Variants in ABL2 observed in about 807,000 individuals in gnomAD.
ABL2 encodes the protein ABL proto-oncogene 2, non-receptor tyrosine kinase.
In ABL2, 49 loss-of-function variants were observed where a neutral mutation model predicts 107.7. The ratio of observed to expected loss-of-function variants is 0.45; its 90% CI spans 0.36 to 0.58. The LOEUF (loss-of-function observed/expected upper bound fraction) is 0.58. ABL2 is among the 20% of genes least tolerant of loss of function. The probability of loss-of-function intolerance (pLI) is 0.00; values close to 1 mark genes in which losing one functional copy is unlikely to be tolerated. For missense variants in ABL2, 1,245 were observed against 1,457.0 expected (o/e 0.85, Z 2.37); for synonymous variants, 549 against 548.6 (o/e 1.00, Z -0.01).
intron 1 of ABL2, among the ~76,000 whole-genome samples, chr1:179,204,032 T>TTATG (rs1306876161): frequency 6.6e-6 from 1 of 152,104 alleles, no homozygotes; most frequent in Non-Finnish European, 1.5e-5. Flanking sequence ...ATTTATTTAT[T>TTATG]TATTTATTTA....
intron 1 of ABL2, among the ~76,000 whole-genome samples, chr1:179,178,959 A>G (rs970379383): frequency 6.6e-6 from 1 of 152,200 alleles, no homozygotes; most frequent in Non-Finnish European, 1.5e-5. Context: ...AATAATGTTA[A>G]TACCCACTGA....
intron 1 of ABL2, among the ~76,000 whole-genome samples, chr1:179,156,390 T>C (rs1658692381): frequency 1.3e-5 from 2 of 152,184 alleles, no homozygotes; most frequent in African/African-American, 2.4e-5. Context: ...AAAACCATAC[T>C]TGAAATTACA....
At chr1:179,160,797 T>C (rs2102751326) in intron 1 of ABL2, among the ~76,000 whole-genome samples, 1 of 152,328 alleles carries the variant, frequency 6.6e-6, no homozygotes, top group South Asian at 2.1e-4. Flanking sequence ...TAATTCTGTG[T>C]GGCGAGGCAG....
At chr1:179,150,533 T>TTCA (rs1658296792) in intron 1 of ABL2, among the ~76,000 whole-genome samples, 1 of 152,212 alleles carries the variant, frequency 6.6e-6, no homozygotes, top group Non-Finnish European at 1.5e-5. Context: ...GTGACTGAAT[T>TTCA]GTTGCAATCT....
intron 1 of ABL2, among the ~76,000 whole-genome samples, chr1:179,207,271 G>T (rs991511761): frequency 6.6e-6 from 1 of 151,684 alleles, no homozygotes; most frequent in Non-Finnish European, 1.5e-5. Context: ...AGGGAGGAAA[G>T]AAAGATTGTG....
intron 1 of ABL2, among the ~76,000 whole-genome samples, chr1:179,154,186 C>A (rs966644088): frequency 6.6e-6 from 1 of 152,172 alleles, no homozygotes; most frequent in African/African-American, 2.4e-5. Context: ...AAACCAACTG[C>A]CCAAAAGTAT....
chr1:179,223,377 C>T (rs1662991729), intron 1 of ABL2, among the ~76,000 whole-genome samples: 1 of 149,286 alleles, frequency 6.7e-6, no homozygotes, highest in Non-Finnish European at 1.5e-5. Context: ...CATGCCACAG[C>T]ACTCCAGCCT....
At chr1:179,184,767 T>A (rs1660585959) in intron 1 of ABL2, among the ~76,000 whole-genome samples, 1 of 152,170 alleles carries the variant, frequency 6.6e-6, no homozygotes, top group South Asian at 2.1e-4. Context: ...GCAGTCTTTT[T>A]TTTCCCCCTC....
At chr1:179,160,512 T>G (rs941852789) in intron 1 of ABL2, among the ~76,000 whole-genome samples, 10 of 152,110 alleles carry the variant, frequency 6.6e-5, no homozygotes, top group African/African-American at 2.4e-4. Flanking sequence ...TTAGTACATA[T>G]CTACATTATC....
intron 1 of ABL2, among the ~76,000 whole-genome samples, chr1:179,160,986 G>A (rs772747932): frequency 3.9e-5 from 6 of 152,018 alleles, no homozygotes; most frequent in Admixed American, 2.6e-4. Context: ...CTCCCACCTC[G>A]GCCTCCCAAA....
intron 1 of ABL2, among the ~76,000 whole-genome samples, chr1:179,197,437 T>C (rs938002755): frequency 6.6e-6 from 1 of 151,954 alleles, no homozygotes; most frequent in African/African-American, 2.4e-5. Context: ...TGCTATGACT[T>C]TGAGGGCCCT....
chr1:179,156,659 G>T (rs370870389), intron 1 of ABL2, among the ~76,000 whole-genome samples: 17 of 152,132 alleles, frequency 1.1e-4, no homozygotes, highest in African/African-American at 3.9e-4. Flanking sequence ...TGGATCACTT[G>T]AGGCCAGGAG....
chr1:179,145,086 T>C (rs1657893519), intron 1 of ABL2, among the ~76,000 whole-genome samples: 1 of 152,176 alleles, frequency 6.6e-6, no homozygotes, highest in South Asian at 2.1e-4. Flanking sequence ...AAGAATGAAA[T>C]GTTGATATAT....
rs1652933219 is a variant in ABL2, at chr1:179,099,611, C to G, written c.*8107G>C. 1 of 230,754 alleles carries G rather than the reference C, an allele frequency of 4.3e-6. No individual in the cohort carries two copies. The highest frequency in any genetic ancestry group is 5.7e-5 in the Admixed American group (1 of 17,690). 14.3% of individuals were successfully genotyped at this position (230,754 alleles called of 1,614,324 possible). On this transcript the variant is annotated 3_prime_UTR_variant, in exon 12 of 12. Coordinates refer to ENST00000502732, the MANE Select transcript of ABL2 (RefSeq NM_007314.4). Reference sequence around the variant, plus strand: ...AATCCCACATTGTCTCACTATGTCCCCTTAGCAATGCACACAGTGCCCGAT... The same window carrying G: ...AATCCCACATTGTCTCACTATGTCCGCTTAGCAATGCACACAGTGCCCGAT...
In ABL2 at chr1:179,196,065, G is replaced by T. The variant is rs555966521; in HGVS notation, c.157+33176C>A. 2.0e-5 allele frequency among the ~76,000 whole-genome samples: 3 copies of T among 152,252 alleles called. No individual in the cohort carries two copies. The East Asian group carries it at 5.8e-4, about 29-fold the overall frequency. ...AGCACTTTGGCAGGCCGAGGTGGAC[G>T]GATCACTTGAGGCCAGGAGTTCCTC... On this transcript the variant is annotated intron_variant, in intron 1 of 11. Coordinates refer to ENST00000502732, the MANE Select transcript of ABL2 (RefSeq NM_007314.4).
chr1:179,171,722 C>T (rs1659734206), intron 1 of ABL2, among the ~76,000 whole-genome samples: 1 of 152,160 alleles, frequency 6.6e-6, no homozygotes, highest in Admixed American at 6.5e-5. Context: ...TGGGGTCTCA[C>T]TCTGTTGTCC....
At chr1:179,199,642 T>C (rs1661542477) in intron 1 of ABL2, among the ~76,000 whole-genome samples, 1 of 152,164 alleles carries the variant, frequency 6.6e-6, no homozygotes, top group Non-Finnish European at 1.5e-5. Flanking sequence ...TTATCCTCAT[T>C]TTATAAATGA....
At chr1:179,201,602 T>A in intron 1 of ABL2, 1 of 412,058 alleles carries the variant, frequency 2.4e-6, no homozygotes, top group Non-Finnish European at 4.5e-6. Context: ...GGTTATTTCC[T>A]CTGCCTTCCT....
chr1:179,132,011 A>G (rs1290662443), intron 2 of ABL2, among the ~76,000 whole-genome samples: 1 of 152,240 alleles, frequency 6.6e-6, no homozygotes, highest in Non-Finnish European at 1.5e-5. Context: ...CAGGCCCTCT[A>G]TTTAAGTATA....
Sources: gnomAD v4.1 joint callset for allele counts (sites outside exome capture counted in the v4.1 genomes callset) on GRCh38, gnomAD v4.1.1 for gene constraint, MANE v1.5 for transcripts, NCBI Gene and HGNC (gene_info 2026-07-23, HGNC 2026-07-21) for gene names.